FGFR2: variants seen among roughly 807,000 people sequenced by gnomAD.
FGFR2 encodes the protein BEK fibroblast growth factor receptor.
Under a neutral mutation model 95.9 loss-of-function variants are expected in FGFR2, and 19 were observed. The observed-to-expected ratio is 0.20, with a 90% CI of 0.14 to 0.29. The LOEUF (loss-of-function observed/expected upper bound fraction) is 0.29, where lower values mean the gene tolerates loss of function less well. FGFR2 is among the 10% of genes least tolerant of loss of function. The pLI is 1.00. For missense variants in FGFR2, 707 were observed against 1,056.9 expected (o/e 0.67, Z 4.59); for synonymous variants, 392 against 393.3 (o/e 1.00, Z 0.04).
At chr10:121,522,106 C>T (rs1293706475) in intron 6 of FGFR2, among the ~76,000 whole-genome samples, 3 of 152,110 alleles carry the variant, frequency 2.0e-5, no homozygotes, top group East Asian at 1.9e-4. Context: ...AATCAAAGAG[C>T]GGAACGGTGG....
At chr10:121,580,796 C>T (rs1341205612) in intron 2 of FGFR2, among the ~76,000 whole-genome samples, 2 of 152,204 alleles carry the variant, frequency 1.3e-5, no homozygotes, top group East Asian at 3.9e-4. Flanking sequence ...CTGCTCCAAA[C>T]CGCATATTTG....
chr10:121,584,158 C>A (rs1053712235), intron 2 of FGFR2, among the ~76,000 whole-genome samples: 1 of 151,946 alleles, frequency 6.6e-6, no homozygotes, highest in Non-Finnish European at 1.5e-5. Context: ...GCTTGTTCAG[C>A]TCCTGTCCAC....
At chr10:121,481,275 T>C (rs1844635019) in intron 17 of FGFR2, among the ~76,000 whole-genome samples, 1 of 152,114 alleles carries the variant, frequency 6.6e-6, no homozygotes, top group African/African-American at 2.4e-5. Context: ...CCAACAACTA[T>C]TCTATGACAT....
chr10:121,512,383 T>A (rs188253168), intron 9 of FGFR2, among the ~76,000 whole-genome samples: 72 of 152,330 alleles, frequency 4.7e-4, no homozygotes, highest in African/African-American at 1.6e-3. Flanking sequence ...CTTGGACATG[T>A]AGAAGGAGCT....
At chr10:121,571,293 CCTT>C (rs1253962107) in intron 2 of FGFR2, among the ~76,000 whole-genome samples, 2 of 87,110 alleles carry the variant, frequency 2.3e-5, no homozygotes, top group Non-Finnish European at 4.4e-5. Context: ...CCGTGCCTGG[CCTT>C]TTTTTTTTTT....
chr10:121,500,071 T>C (rs904983166), intron 11 of FGFR2, among the ~76,000 whole-genome samples: 34 of 152,258 alleles, frequency 2.2e-4, no homozygotes, highest in Admixed American at 3.3e-4. Context: ...TGGGATCTTC[T>C]TTCCGAGATC....
intron 4 of FGFR2, among the ~76,000 whole-genome samples, chr10:121,560,028 C>T (rs757638488): frequency 3.3e-5 from 5 of 152,118 alleles, no homozygotes; most frequent in Admixed American, 1.3e-4. Flanking sequence ...CAATCCATAG[C>T]GAGGGCACCC....
At chr10:121,536,254 G>T (rs746398358) in intron 6 of FGFR2, among the ~76,000 whole-genome samples, 2 of 152,160 alleles carry the variant, frequency 1.3e-5, no homozygotes, top group Non-Finnish European at 2.9e-5. Flanking sequence ...AATTACTAGG[G>T]TTTTGAGCAG....
intron 11 of FGFR2, 116 bp downstream of exon 11, chr10:121,500,710 G>T: frequency 2.1e-6 from 3 of 1,429,976 alleles, no homozygotes; most frequent in South Asian, 1.2e-5. Context: ...CAACCCCTAG[G>T]TCAACTATGT....
chr10:121,579,262 A>C (rs2135329363), intron 2 of FGFR2, among the ~76,000 whole-genome samples: 1 of 152,322 alleles, frequency 6.6e-6, no homozygotes, highest in Middle Eastern at 3.4e-3. Context: ...AGCACTCCTC[A>C]TCCTGGCGGG....
intron 2 of FGFR2, among the ~76,000 whole-genome samples, chr10:121,569,469 C>T (rs537342789): frequency 7.2e-5 from 11 of 152,318 alleles, no homozygotes; most frequent in Admixed American, 3.3e-4. Flanking sequence ...ATCTGCCCGC[C>T]TCGGCCTCCC....
At chr10:121,541,580 T>A (rs1036331690) in intron 5 of FGFR2, among the ~76,000 whole-genome samples, 1 of 152,222 alleles carries the variant, frequency 6.6e-6, no homozygotes, top group African/African-American at 2.4e-5. Flanking sequence ...ACAATTCTTT[T>A]GCCAGTTAGG....
At chr10:121,520,912 G>C (rs540332819) in intron 6 of FGFR2, among the ~76,000 whole-genome samples, 1 of 152,336 alleles carries the variant, frequency 6.6e-6, no homozygotes, top group East Asian at 1.9e-4. Context: ...CAAATTGCTG[G>C]GATTACAGAC....
rs1461380363 is a variant in FGFR2, at chr10:121,518,182, A to G, written c.940-719T>C. On this transcript the variant is annotated intron_variant, in intron 7 of 17. Transcript: ENST00000358487. This position sits in a 1 kb window ranked among gnomAD's most constrained non-coding sequence, Gnocchi z 4.0. ...ACATTCATTAAGATGAGCTCCCCTCAAATTTGGTGCAACAAGGTCAAGAAC... is the reference window on the plus strand; with the variant it reads ...ACATTCATTAAGATGAGCTCCCCTCGAATTTGGTGCAACAAGGTCAAGAAC... 1 of 299,984 alleles carries G rather than the reference A, an allele frequency of 3.3e-6. No individual in the cohort carries two copies. Among genetic ancestry groups the G allele is most frequent in the Non-Finnish European group, 6.5e-6 (1 of 155,006 alleles). 18.6% of individuals were successfully genotyped at this position (299,984 alleles called of 1,614,324 possible). A position where few individuals can be genotyped will look rare whatever the true frequency, so the allele number is the denominator to read the frequency against.
chr10:121,498,428 C>T (rs983299062), intron 12 of FGFR2, 67 bp downstream of exon 12: 4 of 1,072,244 alleles, frequency 3.7e-6, no homozygotes, highest in South Asian at 1.3e-5. Flanking sequence ...GGAAGCCCAG[C>T]CATTTCTAAA....
At chr10:121,505,576 G>A (rs558616634) in intron 9 of FGFR2, among the ~76,000 whole-genome samples, 112 of 152,280 alleles carry the variant, frequency 7.4e-4, no homozygotes, top group Admixed American at 1.0e-3. Context: ...AGAAGCAAGC[G>A]GGAAAAGACG....
intron 5 of FGFR2, among the ~76,000 whole-genome samples, chr10:121,550,810 C>CG (rs1319921095): frequency 2.6e-5 from 4 of 152,212 alleles, no homozygotes; most frequent in African/African-American, 9.6e-5. Context: ...ACACGCAAGT[C>CG]CGGGGTAATA....
chr10:121,573,317 T>G (rs968001398), intron 2 of FGFR2, among the ~76,000 whole-genome samples: 1 of 152,144 alleles, frequency 6.6e-6, no homozygotes, highest in Non-Finnish European at 1.5e-5. Context: ...CTCCATTACT[T>G]TTCACAAATT....
chr10:121,587,750 T>C (rs1326028960), intron 2 of FGFR2, among the ~76,000 whole-genome samples: 1 of 152,208 alleles, frequency 6.6e-6, no homozygotes, highest in African/African-American at 2.4e-5. Context: ...TAATAGATGC[T>C]GGTGAGATTG....
Sources: gnomAD v4.1 joint callset for allele counts (sites outside exome capture counted in the v4.1 genomes callset) on GRCh38, gnomAD v4.1.1 for gene constraint, Gnocchi (gnomAD v3.1) non-coding constraint, MANE v1.5 for transcripts, NCBI Gene and HGNC (gene_info 2026-07-23, HGNC 2026-07-21) for gene names.